Variants in RBFOX1 observed in about 807,000 individuals in gnomAD.
The protein encoded by RBFOX1 is RNA binding fox-1 homolog 1.
RBFOX1 carries 8 observed loss-of-function variants against 57.7 expected under a neutral mutation model. The observed-to-expected ratio is 0.14, with a 90% CI of 0.08 to 0.25. The LOEUF (loss-of-function observed/expected upper bound fraction) is 0.25, where lower values mean the gene tolerates loss of function less well. Ranked by LOEUF, RBFOX1 falls within the 10% of genes least tolerant of loss-of-function variation. The pLI is 1.00. For missense variants in RBFOX1, 611 were observed against 548.5 expected, an observed-to-expected ratio of 1.11 and a Z score of -1.14; for synonymous variants, 326 against 222.4, an observed-to-expected ratio of 1.47 and a Z score of -4.15.
At chr16:7,351,545 ATAATG>A (rs1194539233) in intron 4 of RBFOX1, among the ~76,000 whole-genome samples, 1 of 152,248 alleles carries the variant, frequency 6.6e-6, no homozygotes, top group Non-Finnish European at 1.5e-5. Context: ...TATGAAGAAA[ATAATG>A]TAAGAGGGAA....
At chr16:7,163,368 G>C (rs1374788566) in intron 4 of RBFOX1, among the ~76,000 whole-genome samples, 1 of 152,146 alleles carries the variant, frequency 6.6e-6, no homozygotes, top group Non-Finnish European at 1.5e-5. Context: ...AGGAGATTTT[G>C]CTTTGGAAAA....
intron 3 of RBFOX1, among the ~76,000 whole-genome samples, chr16:5,760,400 A>G (rs1169951369): frequency 1.3e-5 from 2 of 152,156 alleles, no homozygotes; most frequent in East Asian, 3.8e-4. Context: ...ACATACACAC[A>G]CACATACATA....
chr16:7,624,460 A>C (rs545450817), intron 10 of RBFOX1, among the ~76,000 whole-genome samples: 1 of 152,312 alleles, frequency 6.6e-6, no homozygotes, highest in Middle Eastern at 3.4e-3. Flanking sequence ...TACATTTGTT[A>C]CTGAACCTAT....
chr16:6,599,609 C>T (rs1040327089), intron 2 of RBFOX1, among the ~76,000 whole-genome samples: 4 of 152,112 alleles, frequency 2.6e-5, no homozygotes, highest in African/African-American at 4.8e-5. Flanking sequence ...CCGTGTAAAT[C>T]AGGCTAATCT....
At chr16:6,178,313 A>G (rs922320698) in intron 1 of RBFOX1, among the ~76,000 whole-genome samples, 1 of 150,162 alleles carries the variant, frequency 6.7e-6, no homozygotes, top group African/African-American at 2.5e-5. Context: ...CAGCCTCCCA[A>G]GTAGCTGGGA....
At chr16:7,142,959 G>T (rs1373498837) in intron 4 of RBFOX1, among the ~76,000 whole-genome samples, 2 of 150,940 alleles carry the variant, frequency 1.3e-5, no homozygotes, top group African/African-American at 4.9e-5. Context: ...GATATAGCTG[G>T]TTTCTGACCC....
At chr16:6,996,422 C>T (rs528700795) in intron 3 of RBFOX1, among the ~76,000 whole-genome samples, 2 of 152,180 alleles carry the variant, frequency 1.3e-5, no homozygotes, top group South Asian at 4.2e-4. Flanking sequence ...TCTGGATACA[C>T]ATCTAGATGT....
chr16:7,494,620 T>C (rs369089635), intron 4 of RBFOX1, among the ~76,000 whole-genome samples: 1 of 152,134 alleles, frequency 6.6e-6, no homozygotes, highest in Admixed American at 6.5e-5. Flanking sequence ...CTATGAAGGG[T>C]ATGCAGTTTT....
intron 3 of RBFOX1, among the ~76,000 whole-genome samples, chr16:6,687,923 A>C (rs988166002): frequency 5.9e-5 from 9 of 152,214 alleles, no homozygotes; most frequent in African/African-American, 2.2e-4. Flanking sequence ...CGTATTTTCA[A>C]AACAATCATC....
intron 5 of RBFOX1, among the ~76,000 whole-genome samples, chr16:7,554,313 C>T (rs1019845031): frequency 1.3e-5 from 2 of 152,222 alleles, no homozygotes; most frequent in East Asian, 3.8e-4. Flanking sequence ...GTGCTAAATA[C>T]TTTCCATGCA....
At chr16:6,823,821 T>A (rs769983753) in intron 3 of RBFOX1, among the ~76,000 whole-genome samples, 6 of 152,170 alleles carry the variant, frequency 3.9e-5, no homozygotes, top group Non-Finnish European at 8.8e-5. Context: ...TCTGGGGACC[T>A]AGCCAGGTAA....
chr16:6,800,353 T>C (rs907113489), intron 3 of RBFOX1, among the ~76,000 whole-genome samples: 3 of 152,134 alleles, frequency 2.0e-5, no homozygotes, highest in Non-Finnish European at 2.9e-5. Context: ...TATTTTTGTT[T>C]TTCATGCAAT....
intron 2 of RBFOX1, among the ~76,000 whole-genome samples, chr16:6,653,531 C>A (rs191690876): frequency 2.0e-5 from 3 of 152,128 alleles, no homozygotes; most frequent in Non-Finnish European, 4.4e-5. Context: ...ATGTTTGTTT[C>A]ACCTTTTCGT....
chr16:7,522,661 A>T (rs1399059284), intron 5 of RBFOX1, among the ~76,000 whole-genome samples: 1 of 152,206 alleles, frequency 6.6e-6, no homozygotes, highest in Non-Finnish European at 1.5e-5. Flanking sequence ...TTTAGATTCA[A>T]CTAATTTATG....
intron 5 of RBFOX1, among the ~76,000 whole-genome samples, chr16:7,538,041 G>C (rs1372241061): frequency 6.6e-6 from 1 of 152,170 alleles, no homozygotes; most frequent in Non-Finnish European, 1.5e-5. Flanking sequence ...TGCCCGGAAA[G>C]AGTGAGAAAT....
chr16:6,354,591 A>C (rs201461749), intron 2 of RBFOX1, among the ~76,000 whole-genome samples: 16 of 152,044 alleles, frequency 1.1e-4, no homozygotes, highest in African/African-American at 3.9e-4. Context: ...CCTCTGGCTC[A>C]TTCCCCTTCT....
intron 3 of RBFOX1, among the ~76,000 whole-genome samples, chr16:6,866,800 C>A (rs1264698489): frequency 6.6e-6 from 1 of 151,810 alleles, no homozygotes; most frequent in Non-Finnish European, 1.5e-5. Context: ...CCTTGGCCTC[C>A]CAAACTGCTG....
At chr16:6,851,772 C>T (rs2094080314) in intron 3 of RBFOX1, among the ~76,000 whole-genome samples, 1 of 152,114 alleles carries the variant, frequency 6.6e-6, no homozygotes, top group South Asian at 2.1e-4. Context: ...GAAGGACTGG[C>T]AGGTGGCACC....
chr16:6,748,947 C>G (rs927203451), intron 3 of RBFOX1: 3 of 152,118 alleles, frequency 2.0e-5, no homozygotes, highest in African/African-American at 7.2e-5. Context: ...AGCAACCTTT[C>G]TGGTTTTTGC....
Sources: allele counts gnomAD v4.1 joint callset (sites outside exome capture counted in the v4.1 genomes callset), GRCh38; gene constraint gnomAD v4.1.1; transcripts MANE v1.5; gene names NCBI Gene and HGNC (gene_info 2026-07-23, HGNC 2026-07-21).